Variants in EIF3H observed in about 807,000 individuals in gnomAD.
The protein encoded by EIF3H is eIF-3-gamma.
A neutral mutation model predicts 44.2 loss-of-function variants in EIF3H; 26 were observed. The ratio of observed to expected loss-of-function variants is 0.59; its 90% confidence interval spans 0.43 to 0.82. EIF3H has a LOEUF of 0.82. EIF3H is among the 40% of genes least tolerant of loss of function. EIF3H has a pLI of 0.00. For missense variants in EIF3H, 359 were observed against 432.8 expected (o/e 0.83, Z 1.51); for synonymous variants, 166 against 151.9 (o/e 1.09, Z -0.68).
chr8:116,751,441 A>G (rs1586495104), intron 1 of EIF3H, among the ~76,000 whole-genome samples: 1 of 152,236 alleles, frequency 6.6e-6, no homozygotes, highest in African/African-American at 2.4e-5. Context: ...CCTCAGTAGC[A>G]TACATTCTGA....
intron 2 of EIF3H, among the ~76,000 whole-genome samples, chr8:116,700,975 T>G (rs1029995284): frequency 7.2e-5 from 11 of 152,188 alleles, no homozygotes; most frequent in African/African-American, 2.7e-4. Context: ...GGTCTAAATT[T>G]ATATTGTTAA....
chr8:116,757,345 CA>C (rs1815466849), upstream of EIF3H, among the ~76,000 whole-genome samples: 1 of 152,132 alleles, frequency 6.6e-6, no homozygotes. Flanking sequence ...ATCACCTTGA[CA>C]AGAAAGGGCC....
intron 2 of EIF3H, among the ~76,000 whole-genome samples, chr8:116,711,818 G>A (rs777627195): frequency 2.0e-4 from 30 of 152,110 alleles, no homozygotes; most frequent in Non-Finnish European, 4.3e-4. Context: ...CTAACATAAT[G>A]CACTAAAACA....
intron 1 of EIF3H, among the ~76,000 whole-genome samples, chr8:116,750,948 C>A (rs1387210050): frequency 6.6e-6 from 1 of 151,814 alleles, no homozygotes; most frequent in Non-Finnish European, 1.5e-5. Flanking sequence ...CACGGTGGCT[C>A]ACGCCTGTAA....
intron 2 of EIF3H, among the ~76,000 whole-genome samples, chr8:116,670,008 G>A (rs149033183): frequency 2.6e-5 from 4 of 152,154 alleles, no homozygotes; most frequent in East Asian, 1.9e-4. Flanking sequence ...CATGATAAAC[G>A]ACAAATCTGA....
At chr8:116,646,627 T>C in intron 6 of EIF3H, 24 bp from the exon 7 acceptor site, 1 of 1,611,574 alleles carries the variant, frequency 6.2e-7, no homozygotes, top group Non-Finnish European at 8.5e-7. Flanking sequence ...GGAAAATGGT[T>C]TGGTTATTTT....
At position 116,643,737 on chromosome 8, in the gene EIF3H, C is replaced by CA. The variant is rs1813257281; in HGVS notation, c.*1268dup. 6.6e-6 allele frequency: 1 copy of CA among 152,132 alleles called. No individual in the cohort carries two copies. Among genetic ancestry groups the CA allele is most frequent in the African/African-American group, 2.4e-5 (1 of 41,434 alleles). The allele number at this position is 152,132 out of a possible 1,614,324, so 9.4% of individuals were successfully genotyped here. ...CAGAGCCCCAGTAGTGCCTTCAAAA[C>CA]AATGTTGTCCAAAAAATGAATTTCT... On this transcript the variant is annotated 3_prime_UTR_variant, in exon 8 of 8. Coordinates refer to ENST00000521861, the MANE Select transcript of EIF3H (RefSeq NM_003756.3).
At chr8:116,763,117 G>A (rs1276439745) in intron 1 of EIF3H, among the ~76,000 whole-genome samples, 1 of 152,190 alleles carries the variant, frequency 6.6e-6, no homozygotes, top group Non-Finnish European at 1.5e-5. Flanking sequence ...TGTGAGAAAT[G>A]TCATGCAGCC....
At chr8:116,753,701 T>C (rs1382570171) in intron 1 of EIF3H, among the ~76,000 whole-genome samples, 1 of 152,236 alleles carries the variant, frequency 6.6e-6, no homozygotes, top group East Asian at 1.9e-4. Flanking sequence ...CAGGTCTCTG[T>C]TTAATTCAAC....
intron 1 of EIF3H, among the ~76,000 whole-genome samples, chr8:116,744,333 A>G (rs1157211515): frequency 6.6e-6 from 1 of 152,200 alleles, no homozygotes; most frequent in Non-Finnish European, 1.5e-5. Flanking sequence ...GCCAAAATGC[A>G]GCTGATGTTT....
intron 2 of EIF3H, among the ~76,000 whole-genome samples, chr8:116,709,010 A>T (rs1027330891): frequency 1.6e-4 from 24 of 150,342 alleles, no homozygotes; most frequent in South Asian, 6.3e-4. Context: ...AAAAAAAAAA[A>T]TTTTTTTTTG....
intron 2 of EIF3H, chr8:116,697,014 GA>G (rs1814280163): frequency 2.2e-6 from 1 of 448,368 alleles, no homozygotes; most frequent in South Asian, 1.6e-5. Flanking sequence ...TTAGGGCACA[GA>G]GATAACAGTA....
At chr8:116,705,763 G>A (rs552481774) in intron 2 of EIF3H, among the ~76,000 whole-genome samples, 156 of 152,108 alleles carry the variant, frequency 1.0e-3, no homozygotes, top group Admixed American at 4.1e-3. Context: ...CCTAGAAAAG[G>A]ACGTCACCAG....
chr8:116,672,161 G>A (rs1237634797), intron 2 of EIF3H, among the ~76,000 whole-genome samples: 1 of 152,168 alleles, frequency 6.6e-6, no homozygotes, highest in Non-Finnish European at 1.5e-5. Context: ...ATAAAAATCT[G>A]CCGTGAATAA....
At chr8:116,730,041 CTA>C (rs1306941932) in intron 1 of EIF3H, among the ~76,000 whole-genome samples, 1 of 152,212 alleles carries the variant, frequency 6.6e-6, no homozygotes, top group African/African-American at 2.4e-5. Context: ...GAAAAAATCA[CTA>C]TTATCAAAAC....
At chr8:116,730,252 G>C (rs1395447690) in intron 1 of EIF3H, among the ~76,000 whole-genome samples, 1 of 152,200 alleles carries the variant, frequency 6.6e-6, no homozygotes, top group Admixed American at 6.5e-5. Context: ...TAGCAACCTG[G>C]CTGCACAGCA....
At chr8:116,671,283 C>G (rs1303086398) in intron 2 of EIF3H, among the ~76,000 whole-genome samples, 3 of 152,170 alleles carry the variant, frequency 2.0e-5, no homozygotes, top group Non-Finnish European at 4.4e-5. Flanking sequence ...ACTAAGCTAG[C>G]AGTGTATCCC....
At chr8:116,727,487 A>G (rs1027574518) in intron 1 of EIF3H, among the ~76,000 whole-genome samples, 4 of 152,192 alleles carry the variant, frequency 2.6e-5, no homozygotes, top group Admixed American at 2.6e-4. Flanking sequence ...ATCATAACAC[A>G]CTGTATCTTA....
intron 2 of EIF3H, among the ~76,000 whole-genome samples, chr8:116,716,806 T>A (rs775137490): frequency 1.3e-5 from 2 of 152,100 alleles, no homozygotes; most frequent in Non-Finnish European, 2.9e-5. Context: ...TGTTTGTCCA[T>A]CTCTGATTTA....
Sources: allele counts gnomAD v4.1 joint callset (sites outside exome capture counted in the v4.1 genomes callset), GRCh38; gene constraint gnomAD v4.1.1; transcripts MANE v1.5; gene names NCBI Gene and HGNC (gene_info 2026-07-23, HGNC 2026-07-21).